THSD4: variants seen among roughly 807,000 people sequenced by gnomAD.
THSD4 encodes thrombospondin type-1 domain-containing protein 4.
Under a neutral mutation model 119.0 loss-of-function variants are expected in THSD4, and 69 were observed. The observed-to-expected ratio is 0.58, with a 90% CI of 0.48 to 0.71. The LOEUF is 0.71. Ranked by LOEUF, THSD4 falls within the 30% of genes least tolerant of loss-of-function variation. The probability of loss-of-function intolerance (pLI) is 0.00; values close to 1 mark genes in which losing one functional copy is unlikely to be tolerated. For synonymous variants in THSD4, 524 were observed against 540.4 expected (o/e 0.97, Z 0.42); for missense variants, 1,393 against 1,391.1 (o/e 1.00, Z -0.02).
Position 71,731,220 on chromosome 15 carries a change from A to T in THSD4, c.1630+3A>T, listed in dbSNP as rs1002805910. ...GGTGCCACCCCACAGGAGACCAGGT[A>T]GAATCCCTTGTCTTGTGGCCGGGGA... On this transcript the variant is annotated splice_donor_region_variant and intron_variant, in intron 10 of 17. Coordinates refer to ENST00000261862, the MANE Select transcript of THSD4 (RefSeq NM_024817.3). 2 of 1,613,846 alleles carry T rather than the reference A, an allele frequency of 1.2e-6. No individual in the cohort carries two copies. Among genetic ancestry groups the T allele is most frequent in the African/African-American group, 2.7e-5 (2 of 74,936 alleles).
In THSD4 at chr15:71,449,525, G is replaced by A. The variant is rs73441532; in HGVS notation, c.1152+37702G>A. Among the ~76,000 whole-genome samples the A allele has an allele frequency of 2.6e-5, 4 of 152,088 alleles. No homozygotes were observed. The South Asian group carries it at 8.3e-4, about 32-fold the overall frequency. On this transcript the variant is annotated intron_variant, in intron 7 of 17. Coordinates refer to ENST00000261862, the MANE Select transcript of THSD4 (RefSeq NM_024817.3). ...TACTTCACAGAGTCATTGTGAAGAT[G>A]GAGATAATTCTGTGTAGTACTTACA...
rs140611313 is a variant in THSD4, at chr15:71,413,880, T to C, written c.1152+2057T>C. Among the ~76,000 whole-genome samples, 333 of 152,354 alleles carry C rather than the reference T, an allele frequency of 2.2e-3. 1 individual carries two copies. Among genetic ancestry groups the C allele is most frequent in the African/African-American group, 7.4e-3 (308 of 41,588 alleles). ...TACTTAAGGGCATTCTCTGAGAGTT[T>C]TGTGATCTCCAGCTTTAATGTTCCC... On this transcript the variant is annotated intron_variant, in intron 7 of 17. Coordinates refer to ENST00000261862, the MANE Select transcript of THSD4 (RefSeq NM_024817.3).
At chr15:71,369,571 T>G (rs967511073) in intron 6 of THSD4, among the ~76,000 whole-genome samples, 3 of 152,244 alleles carry the variant, frequency 2.0e-5, no homozygotes, top group African/African-American at 7.2e-5. Flanking sequence ...TCTGTTTATA[T>G]GCTGGATTAT....
chr15:71,551,625 G>A (rs1282044163), intron 7 of THSD4, among the ~76,000 whole-genome samples: 2 of 152,138 alleles, frequency 1.3e-5, no homozygotes, highest in South Asian at 2.1e-4. Flanking sequence ...AAAGTCTGGG[G>A]GAAACGAGAT....
chr15:71,101,238 C>A (rs930495216), intron 1 of THSD4, among the ~76,000 whole-genome samples: 1 of 151,890 alleles, frequency 6.6e-6, no homozygotes, highest in Non-Finnish European at 1.5e-5. Flanking sequence ...ATATGGTCTG[C>A]TATTATATTA....
chr15:71,621,965 A>G (rs2050425888), intron 7 of THSD4, among the ~76,000 whole-genome samples: 1 of 152,202 alleles, frequency 6.6e-6, no homozygotes, highest in Non-Finnish European at 1.5e-5. Flanking sequence ...TCTATCATTA[A>G]TCTTACTTGG....
At chr15:71,381,917 T>A (rs1425444018) in intron 6 of THSD4, among the ~76,000 whole-genome samples, 1 of 152,154 alleles carries the variant, frequency 6.6e-6, no homozygotes, top group Admixed American at 6.5e-5. Context: ...TCTCTTTTTT[T>A]AAAAGGTGAG....
chr15:71,531,684 T>C (rs1247141006), intron 7 of THSD4, among the ~76,000 whole-genome samples: 1 of 152,250 alleles, frequency 6.6e-6, no homozygotes, highest in Non-Finnish European at 1.5e-5. Flanking sequence ...CTTAACACAG[T>C]GCCTAGTGGC....
intron 8 of THSD4, among the ~76,000 whole-genome samples, chr15:71,720,752 A>G (rs2052706489): frequency 6.6e-6 from 1 of 152,250 alleles, no homozygotes; most frequent in African/African-American, 2.4e-5. Flanking sequence ...CAAAGAAGCC[A>G]GGCTTCTGAC....
intron 1 of THSD4, among the ~76,000 whole-genome samples, chr15:71,127,313 T>G (rs941505963): frequency 3.9e-5 from 6 of 152,266 alleles, no homozygotes; most frequent in African/African-American, 1.4e-4. Context: ...CATGTTCATC[T>G]GTTGATGGAC....
intron 6 of THSD4, among the ~76,000 whole-genome samples, chr15:71,315,562 T>A (rs571820300): frequency 6.6e-6 from 1 of 152,376 alleles, no homozygotes; most frequent in Admixed American, 6.5e-5. Flanking sequence ...CTGTGTCCTC[T>A]GTGGTCAGTC....
chr15:71,298,119 G>T (rs2044890741), intron 6 of THSD4, among the ~76,000 whole-genome samples: 1 of 152,042 alleles, frequency 6.6e-6, no homozygotes, highest in South Asian at 2.1e-4. Flanking sequence ...GTTAATTTTT[G>T]TATATGGTGT....
At position 71,149,039 on chromosome 15, in the gene THSD4, C is replaced by CTT. The variant is rs1269365382; in HGVS notation, c.30-5808_30-5807dup. 9.1e-3 allele frequency among the ~76,000 whole-genome samples: 1,264 copies of CTT among 138,970 alleles called. 10 individuals are homozygous for CTT. The highest frequency in any genetic ancestry group is 0.05 in the Middle Eastern group (13 of 262). The allele number at this position is 138,970 out of a possible 152,430, so 91.2% of individuals were successfully genotyped here. A position where few individuals can be genotyped will look rare whatever the true frequency, so the allele number is the denominator to read the frequency against. On this transcript the variant is annotated intron_variant, in intron 2 of 17. Transcript: ENST00000261862. ...CCATCCCCCTTCCTTGCTGCCTTTA[C>CTT]TTTTTTTTTTTTTTTTTGAGACGGA... is the stretch of plus-strand genomic sequence containing the variant.
chr15:71,261,032 G>A (rs1218208559), intron 6 of THSD4, among the ~76,000 whole-genome samples: 1 of 152,218 alleles, frequency 6.6e-6, no homozygotes, highest in Non-Finnish European at 1.5e-5. Context: ...AACCCAGGAG[G>A]CAGAGGTTGC....
chr15:71,779,044 A>G lies in THSD4; in HGVS notation c.*1670A>G, dbSNP rs923242838. On this transcript the variant is annotated 3_prime_UTR_variant, in exon 18 of 18. Transcript: ENST00000261862. ...TGCTCTTTTAGCTGACAAATCTGCC[A>G]CTGTGATGATGGTTTGCAGCTTTTG... 1.3e-5 allele frequency: 2 copies of G among 152,228 alleles called. No homozygotes were observed. Among genetic ancestry groups the G allele is most frequent in the Admixed American group, 1.3e-4 (2 of 15,280 alleles). The allele number at this position is 152,228 out of a possible 1,614,324, so 9.4% of individuals were successfully genotyped here.
At chr15:71,656,614 A>T (rs2051197882) in intron 7 of THSD4, among the ~76,000 whole-genome samples, 1 of 152,138 alleles carries the variant, frequency 6.6e-6, no homozygotes, top group African/African-American at 2.4e-5. Context: ...CACTGTCACG[A>T]TCTACTCCTT....
intron 6 of THSD4, among the ~76,000 whole-genome samples, chr15:71,386,482 G>C (rs1177992118): frequency 6.6e-6 from 1 of 152,112 alleles, no homozygotes; most frequent in African/African-American, 2.4e-5. Flanking sequence ...AGACCACTGG[G>C]AACCTCAGAG....
At chr15:71,451,740 C>T (rs959463497) in intron 7 of THSD4, among the ~76,000 whole-genome samples, 1 of 152,192 alleles carries the variant, frequency 6.6e-6, no homozygotes, top group African/African-American at 2.4e-5. Context: ...GTTCCTCCCT[C>T]CTTCTCCAGG....
chr15:71,730,569 A>G (rs550183698), intron 9 of THSD4: 1 of 153,288 alleles, frequency 6.5e-6, no homozygotes, highest in Non-Finnish European at 1.5e-5. Flanking sequence ...GGTCGCTTCT[A>G]CTTGTTTTCC....
Sources: gnomAD v4.1 joint callset for allele counts (sites outside exome capture counted in the v4.1 genomes callset) on GRCh38, gnomAD v4.1.1 for gene constraint, MANE v1.5 for transcripts, NCBI Gene and HGNC (gene_info 2026-07-23, HGNC 2026-07-21) for gene names.